Variants in LAMB1 observed in about 807,000 individuals in gnomAD.
LAMB1 encodes the protein laminin subunit beta-1.
Under a neutral mutation model 222.3 loss-of-function variants are expected in LAMB1, and 121 were observed. The ratio of observed to expected loss-of-function variants is 0.54; its 90% CI spans 0.47 to 0.63. LAMB1 has a LOEUF of 0.63. Ranked by LOEUF, LAMB1 falls within the 30% of genes least tolerant of loss-of-function variation. The pLI, the probability that LAMB1 is intolerant of heterozygous loss-of-function variation, is 0.00. For missense variants in LAMB1, 2,172 were observed against 2,240.8 expected (o/e 0.97, Z 0.62); for synonymous variants, 794 against 807.2 (o/e 0.98, Z 0.28).
At chr7:107,978,728 ACATTT>A (rs1315145142) in intron 8 of LAMB1, among the ~76,000 whole-genome samples, 2 of 152,188 alleles carry the variant, frequency 1.3e-5, no homozygotes, top group Non-Finnish European at 2.9e-5. Context: ...TATCACATTT[ACATTT>A]ATGTTTTCCT....
chr7:107,995,043 T>C (rs1297102073), intron 4 of LAMB1, 83 bp from the exon 5 acceptor site: 1 of 730,152 alleles, frequency 1.4e-6, no homozygotes, highest in Non-Finnish European at 2.3e-6. Context: ...ATTTTTTAAA[T>C]TACTTTTATG....
chr7:107,966,446 T>TG (rs2033638805), intron 13 of LAMB1, among the ~76,000 whole-genome samples: 1 of 152,060 alleles, frequency 6.6e-6, no homozygotes, highest in East Asian at 1.9e-4. Context: ...CCTGACCTCG[T>TG]GATCCATCTG....
chr7:107,933,516 T>G (rs10487277), intron 27 of LAMB1, among the ~76,000 whole-genome samples: 11,110 of 151,714 alleles, frequency 0.073, 1,310 homozygotes, highest in African/African-American at 0.25. Context: ...CTTAAGAACA[T>G]AAGTGTAAAA....
intron 24 of LAMB1, among the ~76,000 whole-genome samples, chr7:107,945,913 G>A (rs1021979231): frequency 1.1e-4 from 16 of 152,090 alleles, no homozygotes; most frequent in African/African-American, 3.9e-4. Flanking sequence ...AAAAGTTTGT[G>A]CCACTTACTT....
chr7:107,961,388 A>T (rs915907464), intron 16 of LAMB1, 59 bp from the exon 17 acceptor site: 11 of 1,596,572 alleles, frequency 6.9e-6, no homozygotes. Flanking sequence ...CATCCAAAAA[A>T]TAAAAATTAA....
chr7:107,965,171 T>G (rs1226598618), intron 13 of LAMB1, among the ~76,000 whole-genome samples: 1 of 152,172 alleles, frequency 6.6e-6, no homozygotes, highest in African/African-American at 2.4e-5. Context: ...AGAAATTTAG[T>G]CCCCGTTCTT....
rs766231241 is a variant in LAMB1 at position 107,964,568 on chromosome 7, T to A, written c.1682A>T (p.Glu561Val). 6.2e-7 allele frequency: 1 copy of A among 1,614,172 alleles called. No homozygotes were observed. Among genetic ancestry groups the A allele is most frequent in the East Asian group, 2.2e-5 (1 of 44,878 alleles). Residue 561 changes from glutamate (E) to valine (V), a missense_variant, in exon 14 of 34, where the codon GAA becomes GTA. Transcript: ENST00000222399. ...TLDHYLYEAE[E>V]ANLGPGVSIV... ...CCTACTCACAGGCCCCAAGTTGGCTTCCTCCGCTTCATAGAGGTAGTGATC... is the reference window on the plus strand; with the variant it reads ...CCTACTCACAGGCCCCAAGTTGGCTACCTCCGCTTCATAGAGGTAGTGATC...
In LAMB1 at chr7:107,959,361, C is replaced by T. The variant is rs35710474; in HGVS notation, c.2578G>A (p.Gly860Ser). 104,065 of 1,614,202 alleles carry T rather than the reference C, an allele frequency of 0.064. 3,719 individuals are homozygous for T. The highest frequency in any genetic ancestry group is 0.13 in the East Asian group (5,622 of 44,876). Residue 860 changes from glycine to serine, a missense_variant, in exon 20 of 34, where the codon GGC (glycine) becomes AGC (serine). Coordinates refer to ENST00000222399, the MANE Select transcript of LAMB1 (RefSeq NM_002291.3). ...QCDRCLPGHW[G>S]FPSCQPCQCN... ...TGGCAGGGCTGGCAACTTGGAAAGCCCCAGTGCCCAGGTAAGCACCGATCA... is the reference window on the plus strand; with the variant it reads ...TGGCAGGGCTGGCAACTTGGAAAGCTCCAGTGCCCAGGTAAGCACCGATCA...
intron 4 of LAMB1, among the ~76,000 whole-genome samples, chr7:107,997,105 C>A (rs906857703): frequency 1.3e-5 from 2 of 152,186 alleles, no homozygotes; most frequent in Non-Finnish European, 2.9e-5. Context: ...TCCTTAGAAA[C>A]CAATAGTCTA....
At chr7:108,002,139 A>C (rs1584549253) in intron 2 of LAMB1, 4 of 1,444,534 alleles carry the variant, frequency 2.8e-6, no homozygotes, top group Non-Finnish European at 2.7e-6. Context: ...ACGCACGTGA[A>C]CCCGCGTGCA....
intron 24 of LAMB1, 127 bp from the exon 25 acceptor site, chr7:107,940,485 A>G (rs1242305148): frequency 4.2e-5 from 42 of 990,674 alleles, no homozygotes; most frequent in South Asian, 4.8e-5. Context: ...CAATTGACCA[A>G]TGGCTCAGGT....
In LAMB1 at chr7:107,952,117, C is replaced by T. The variant is rs759909608; in HGVS notation, c.3186G>A (p.Gly1062=). The T allele has an allele frequency of 3.7e-6, 6 of 1,614,002 alleles. No individual in the cohort carries two copies. The East Asian group carries it at 6.7e-5, about 18-fold the overall frequency. The part of the protein sequence containing the change: ...GQCLCLPNVI[G]QNCDRCAPNT... ...TGGGCGCACAGCGGTCACAGTTCTG[C>T]CCGATCACATTAGGAAGACACAAGC... Residue 1062 remains glycine, a synonymous_variant, in exon 23 of 34, where the codon GGG becomes GGA. Transcript: ENST00000222399.
At chr7:107,991,989 C>A (rs1206235332) in intron 5 of LAMB1, among the ~76,000 whole-genome samples, 2 of 151,936 alleles carry the variant, frequency 1.3e-5, no homozygotes, top group East Asian at 3.9e-4. Context: ...CACTCCCTAG[C>A]AAGGAGTCAA....
chr7:107,932,157 G>A lies in LAMB1; in HGVS notation c.4392+17C>T. On this transcript the variant is annotated intron_variant, in intron 28 of 33. Transcript: ENST00000222399. ...GCAAACATACATAACAAAAACTGAG[G>A]CCATCCACTGAGTTACCATCTTGGA... 1 of 1,611,742 alleles carries A rather than the reference G, an allele frequency of 6.2e-7. No individual in the cohort carries two copies. Among genetic ancestry groups the A allele is most frequent in the Non-Finnish European group, 8.5e-7 (1 of 1,177,802 alleles).
intron 17 of LAMB1, 108 bp from the exon 18 acceptor site, chr7:107,960,757 G>C (rs1431154670): frequency 1.2e-6 from 1 of 823,912 alleles, no homozygotes; most frequent in African/African-American, 1.7e-5. Context: ...CCCTTGAACA[G>C]AAATCATTAG....
chr7:107,944,942 A>G (rs1010804938), intron 24 of LAMB1, among the ~76,000 whole-genome samples: 3 of 152,340 alleles, frequency 2.0e-5, no homozygotes, highest in Non-Finnish European at 4.4e-5. Context: ...ATCAGAATCC[A>G]AATGACCTAG....
chr7:107,939,564 G>T (rs1384700670), intron 25 of LAMB1, among the ~76,000 whole-genome samples: 1 of 152,086 alleles, frequency 6.6e-6, no homozygotes, highest in Non-Finnish European at 1.5e-5. Flanking sequence ...TACTTCATAA[G>T]GTAATGGCAT....
intron 4 of LAMB1, among the ~76,000 whole-genome samples, chr7:107,995,408 A>C (rs1224807737): frequency 2.0e-5 from 3 of 152,248 alleles, no homozygotes; most frequent in Non-Finnish European, 2.9e-5. Flanking sequence ...AGAAACACAA[A>C]TATTCCTTTT....
At chr7:107,940,473 A>C in intron 24 of LAMB1, 115 bp from the exon 25 acceptor site, 2 of 1,131,052 alleles carry the variant, frequency 1.8e-6, no homozygotes, top group Non-Finnish European at 2.5e-6. Flanking sequence ...AACCATCGAC[A>C]ACAATTGACC....
Sources: allele counts gnomAD v4.1 joint callset (sites outside exome capture counted in the v4.1 genomes callset), GRCh38; gene constraint gnomAD v4.1.1; transcripts MANE v1.5; gene names NCBI Gene and HGNC (gene_info 2026-07-23, HGNC 2026-07-21).